MRPS18C: variants seen among roughly 807,000 people sequenced by gnomAD.
MRPS18C encodes mitochondrial ribosomal protein S18C.
MRPS18C carries 21 observed loss-of-function variants against 21.0 expected under a neutral mutation model. The ratio of observed to expected loss-of-function variants is 1.00; its 90% CI spans 0.71 to 1.44. MRPS18C has a LOEUF of 1.44. MRPS18C is among the 40% of genes most tolerant of loss of function. MRPS18C has a pLI of 0.00. For missense variants in MRPS18C, 152 were observed against 171.5 expected (o/e 0.89, Z 0.64); for synonymous variants, 65 against 54.3 (o/e 1.20, Z -0.87).
In MRPS18C at chr4:83,461,226, A is replaced by G. The variant is rs1319368105; in HGVS notation, c.*29A>G. ...CTATCACGTTACCACTAATAAACTT[A>G]TTTTACAGTAAGTGGTTGTATGATG... On this transcript the variant is annotated 3_prime_UTR_variant, in exon 6 of 6. Transcript: ENST00000295491. 5.0e-6 allele frequency: 8 copies of G among 1,592,446 alleles called. No homozygotes were observed. Among genetic ancestry groups the G allele is most frequent in the Non-Finnish European group, 6.9e-6 (8 of 1,162,484 alleles).
At chr4:83,456,467 GCAAATTCCAGATGT>G (rs151059649) in intron 1 of MRPS18C, among the ~76,000 whole-genome samples, 1,762 of 152,250 alleles carry the variant, frequency 0.012, 26 homozygotes, top group African/African-American at 0.041. Context: ...TCGCCCAGCA[GCAAATTCCAGATGT>G]CTAAGGTCCC....
At chr4:83,456,300 T>C (rs1721820159) in intron 1 of MRPS18C, 123 bp downstream of exon 1, 1 of 824,230 alleles carries the variant, frequency 1.2e-6, no homozygotes, top group African/African-American at 1.7e-5. Context: ...TTCTCCAAGA[T>C]GGGTGGGAAT....
intron 3 of MRPS18C, 39 bp from the exon 4 acceptor site, chr4:83,459,699 CAG>C (rs756312942): frequency 9.0e-6 from 14 of 1,549,116 alleles, no homozygotes; most frequent in Non-Finnish European, 1.2e-5. Flanking sequence ...AAATAAATAA[CAG>C]ATACTTTTTT....
intron 4 of MRPS18C, 101 bp from the exon 5 acceptor site, chr4:83,460,872 C>A: frequency 2.0e-6 from 2 of 994,698 alleles, no homozygotes; most frequent in Non-Finnish European, 1.5e-6. Context: ...CACCACTGTA[C>A]TCCAGCCTGG....
chr4:83,457,591 C>T (rs1038838916), intron 2 of MRPS18C: 2 of 152,212 alleles, frequency 1.3e-5, no homozygotes, highest in African/African-American at 4.8e-5. Flanking sequence ...AATCCATGCA[C>T]CATACTTTAA....
chr4:83,461,330 C>G lies in MRPS18C; in HGVS notation c.*133C>G. 4 of 704,604 alleles carry G rather than the reference C, an allele frequency of 5.7e-6. No homozygotes were observed. Among genetic ancestry groups the G allele is most frequent in the Non-Finnish European group, 1.0e-5 (4 of 397,582 alleles). 43.6% of individuals were successfully genotyped at this position (704,604 alleles called of 1,614,324 possible). On this transcript the variant is annotated 3_prime_UTR_variant, in exon 6 of 6. Transcript: ENST00000295491. The stretch of plus-strand genomic sequence containing the variant: ...AAAGAATGACACTTCCCCTTCATAC[C>G]AATGTCCATTAAGCAGATTGCTTAT...
At chr4:83,456,295 C>A in intron 1 of MRPS18C, 118 bp downstream of exon 1, 2 of 873,056 alleles carry the variant, frequency 2.3e-6, no homozygotes, top group East Asian at 2.5e-5. Flanking sequence ...TAAGTTTCTC[C>A]AAGATGGGTG....
chr4:83,461,032 G>T lies in MRPS18C; in HGVS notation c.352G>T (p.Gly118Trp). The T allele has an allele frequency of 6.2e-7, 1 of 1,612,594 alleles. No individual in the cohort carries two copies. Residue 118 changes from glycine to tryptophan, a missense_variant and splice_region_variant, in exon 5 of 6, where the codon GGG (glycine) becomes TGG (tryptophan). Gly to Trp is a radical substitution (Grantham distance 184). Transcript: ENST00000295491. ...TKAIKRAQIM[G>W]FMPVTYKDPA... ...AGCAATTAAGAGAGCTCAAATAATGGGTAAGAAAGAATACCTCAACAACTG... is the reference window on the plus strand; with the variant it reads ...AGCAATTAAGAGAGCTCAAATAATGTGTAAGAAAGAATACCTCAACAACTG...
At chr4:83,460,758 T>G (rs1722064397) in intron 4 of MRPS18C, 1 of 480,810 alleles carries the variant, frequency 2.1e-6, no homozygotes, top group Non-Finnish European at 3.8e-6. Context: ...ACAAAAAAAT[T>G]ATCCGGGTGT....
At chr4:83,459,051 CAGG>C (rs1721974062) in intron 3 of MRPS18C, 1 of 146,484 alleles carries the variant, frequency 6.8e-6, no homozygotes, top group Non-Finnish European at 1.5e-5. Flanking sequence ...GAGGCTGAGG[CAGG>C]AGATTTGCTT....
intron 4 of MRPS18C, 108 bp from the exon 5 acceptor site, chr4:83,460,865 C>G: frequency 1.1e-6 from 1 of 891,934 alleles, no homozygotes; most frequent in Non-Finnish European, 1.8e-6. Flanking sequence ...GAGAGAGCAC[C>G]ACTGTACTCC....
At chr4:83,456,811 C>T in intron 1 of MRPS18C, 98 bp from the exon 2 acceptor site, 8 of 1,168,026 alleles carry the variant, frequency 6.8e-6, no homozygotes, top group East Asian at 2.3e-5. Context: ...TCTTTAATAT[C>T]GTGTCCCTTA....
In MRPS18C at chr4:83,456,178, G is replaced by C; in HGVS notation, c.100+1G>C. 2 of 1,538,072 alleles carry C rather than the reference G, an allele frequency of 1.3e-6. No individual in the cohort carries two copies. The highest frequency in any genetic ancestry group is 1.8e-6 in the Non-Finnish European group (2 of 1,132,342). ...CTTACACATCCCGGGACTCACACGG[G>C]TAAAGTCTCCATATCCTATGCTCCA... On this transcript the variant is annotated splice_donor_variant, in intron 1 of 5. Transcript: ENST00000295491. LOFTEE classifies it high-confidence loss of function.
chr4:83,457,281 C>A (rs1008208878), intron 2 of MRPS18C: 5 of 214,014 alleles, frequency 2.3e-5, no homozygotes, highest in Admixed American at 1.2e-4. Flanking sequence ...TTTACATAGC[C>A]CTTTGTAAGC....
intron 4 of MRPS18C, chr4:83,460,049 C>T: frequency 3.0e-6 from 1 of 329,228 alleles, no homozygotes; most frequent in Non-Finnish European, 5.5e-6. Flanking sequence ...TTGGAATATA[C>T]TATAATCATT....
chr4:83,456,782 GAATAT>G (rs539119888), intron 1 of MRPS18C, 122 bp from the exon 2 acceptor site: 83 of 903,014 alleles, frequency 9.2e-5, no homozygotes, highest in African/African-American at 5.1e-4. Flanking sequence ...TAACCATTCT[GAATAT>G]AATACAAAAC....
chr4:83,456,229 A>C, intron 1 of MRPS18C, 52 bp downstream of exon 1: 2 of 1,407,308 alleles, frequency 1.4e-6, no homozygotes, highest in Non-Finnish European at 2.0e-6. Flanking sequence ...CATTAACCTT[A>C]GTCCTAATGG....
rs945452909 is a variant in MRPS18C at position 83,461,801 on chromosome 4, A to G, written c.*604A>G. 4.4e-6 allele frequency: 1 copy of G among 228,508 alleles called. No homozygotes were observed. Among genetic ancestry groups the G allele is most frequent in the African/African-American group, 2.2e-5 (1 of 45,108 alleles). 14.2% of individuals were successfully genotyped at this position (228,508 alleles called of 1,614,324 possible). ...AATTTCATGCAAAGGACTCTAAACT[A>G]GGGGAGAGATTACTGTTTGTGTTGT... On this transcript the variant is annotated 3_prime_UTR_variant, in exon 6 of 6. Coordinates refer to ENST00000295491, the MANE Select transcript of MRPS18C (RefSeq NM_016067.4).
intron 2 of MRPS18C, chr4:83,457,979 G>A (rs1001919987): frequency 3.3e-5 from 7 of 213,816 alleles, no homozygotes; most frequent in Middle Eastern, 1.7e-3. Context: ...GAGACATGGG[G>A]ATGGATAAAT....
Sources: gnomAD v4.1 joint callset for allele counts (sites outside exome capture counted in the v4.1 genomes callset) on GRCh38, gnomAD v4.1.1 for gene constraint, MANE v1.5 for transcripts, NCBI Gene and HGNC (gene_info 2026-07-23, HGNC 2026-07-21) for gene names.